Variants in AKAP6 observed in about 807,000 individuals in gnomAD.
AKAP6 encodes the protein A-kinase anchoring protein 6.
AKAP6 carries 58 observed loss-of-function variants against 188.5 expected under a neutral mutation model. The ratio of observed to expected loss-of-function variants is 0.31; its 90% CI spans 0.25 to 0.38. The LOEUF (loss-of-function observed/expected upper bound fraction) is 0.38, where lower values mean the gene tolerates loss of function less well. Among genes scored for constraint, AKAP6 ranks in the 10% least tolerant of loss-of-function variants. The pLI is 1.00. For missense variants in AKAP6, 2,710 were observed against 2,740.0 expected (o/e 0.99, Z 0.24); for synonymous variants, 989 against 998.6 (o/e 0.99, Z 0.18).
intron 2 of AKAP6, among the ~76,000 whole-genome samples, chr14:32,533,332 G>C (rs567844208): frequency 6.6e-6 from 1 of 152,306 alleles, no homozygotes; most frequent in African/African-American, 2.4e-5. Context: ...GTTAGTATGA[G>C]AGTGAAAGAG....
chr14:32,617,935 C>T (rs1047999112), intron 7 of AKAP6, among the ~76,000 whole-genome samples: 1 of 151,906 alleles, frequency 6.6e-6, no homozygotes, highest in Non-Finnish European at 1.5e-5. Context: ...CCCTTCAGGT[C>T]ATTTTTTTTT....
intron 12 of AKAP6, 195 bp downstream of exon 12, chr14:32,774,088 C>A: frequency 1.7e-6 from 1 of 601,022 alleles, no homozygotes; most frequent in East Asian, 2.9e-5. Flanking sequence ...CTAAATGAAA[C>A]TCCATTTGTC....
intron 12 of AKAP6, among the ~76,000 whole-genome samples, chr14:32,813,986 C>A (rs2034315707): frequency 6.6e-6 from 1 of 150,998 alleles, no homozygotes. Context: ...CATTCTATGA[C>A]CTCTGTGGTT....
chr14:32,628,953 C>G (rs1887141167), intron 7 of AKAP6, among the ~76,000 whole-genome samples: 1 of 152,030 alleles, frequency 6.6e-6, no homozygotes, highest in South Asian at 2.1e-4. Flanking sequence ...TATAAATAAG[C>G]TGTTTTCTAA....
chr14:32,497,264 G>A (rs1208905097), intron 2 of AKAP6, among the ~76,000 whole-genome samples: 1 of 152,012 alleles, frequency 6.6e-6, no homozygotes, highest in South Asian at 2.1e-4. Flanking sequence ...TAGGTGTTTG[G>A]TGCTATAAAT....
At chr14:32,669,947 C>T (rs1295491296) in intron 7 of AKAP6, among the ~76,000 whole-genome samples, 2 of 151,822 alleles carry the variant, frequency 1.3e-5, no homozygotes, top group Non-Finnish European at 2.9e-5. Context: ...AAATACAAAA[C>T]TTAGCTGGGT....
chr14:32,546,984 ATGGG>A lies in AKAP6; in HGVS notation c.2332_2335del (p.Trp778LysfsTer3), dbSNP rs1159634427. The A allele has an allele frequency of 1.9e-6, 3 of 1,592,916 alleles. No individual in the cohort carries two copies. Among genetic ancestry groups the A allele is most frequent in the Non-Finnish European group, 2.6e-6 (3 of 1,176,100 alleles). Reference sequence around the variant, plus strand: ...AGCACCAAGACAACTATGAAGCCATATGGGAAAAAATAGAGGTAAGGTGGTTTTC... The same window carrying A: ...AGCACCAAGACAACTATGAAGCCATAAAAAAATAGAGGTAAGGTGGTTTTC... On this transcript the variant is annotated frameshift_variant, in exon 4 of 14. Transcript: ENST00000280979. LOFTEE classifies it high-confidence loss of function.
chr14:32,510,406 A>ATATATATATGTGTATATATATATG (rs1881142512), intron 2 of AKAP6, among the ~76,000 whole-genome samples: 1 of 92,576 alleles, frequency 1.1e-5, no homozygotes, highest in African/African-American at 4.6e-5. Context: ...ATATATATGT[A>ATATATATATGTGTATATATATATG]TATATATGTA....
chr14:32,473,326 A>G (rs1258230838), intron 2 of AKAP6, among the ~76,000 whole-genome samples: 1 of 152,248 alleles, frequency 6.6e-6, no homozygotes, highest in African/African-American at 2.4e-5. Context: ...ACAGCCTCAC[A>G]TACAACAGGT....
chr14:32,657,868 A>T (rs1224494001), intron 7 of AKAP6, among the ~76,000 whole-genome samples: 1 of 152,082 alleles, frequency 6.6e-6, no homozygotes. Context: ...TATGAGCAGG[A>T]TTTGAAAGTT....
chr14:32,542,987 T>C (rs1404883360), intron 3 of AKAP6, among the ~76,000 whole-genome samples: 1 of 152,230 alleles, frequency 6.6e-6, no homozygotes, highest in Non-Finnish European at 1.5e-5. Flanking sequence ...CACAATGCAA[T>C]GATCAAATCA....
intron 2 of AKAP6, among the ~76,000 whole-genome samples, chr14:32,532,439 T>C (rs1304423707): frequency 6.6e-6 from 1 of 152,148 alleles, no homozygotes; most frequent in Admixed American, 6.5e-5. Flanking sequence ...CTTAGTGCCC[T>C]TTATATATTG....
intron 9 of AKAP6, among the ~76,000 whole-genome samples, chr14:32,731,910 T>G (rs779177722): frequency 3.3e-5 from 5 of 152,106 alleles, no homozygotes; most frequent in Non-Finnish European, 5.9e-5. Context: ...AGCATAGATT[T>G]GTAACTACTC....
At chr14:32,732,378 C>T in intron 9 of AKAP6, 76 bp from the exon 10 acceptor site, 2 of 1,507,826 alleles carry the variant, frequency 1.3e-6, no homozygotes, top group Non-Finnish European at 1.8e-6. Context: ...TCGTAAGCAT[C>T]ACAAATTCTG....
chr14:32,743,675 A>G (rs1161815188), intron 11 of AKAP6, among the ~76,000 whole-genome samples: 2 of 152,098 alleles, frequency 1.3e-5, no homozygotes, highest in Non-Finnish European at 2.9e-5. Flanking sequence ...CTACACCTTA[A>G]CTTCTTCCTC....
intron 7 of AKAP6, among the ~76,000 whole-genome samples, chr14:32,657,294 G>A (rs190554932): frequency 6.6e-6 from 1 of 152,162 alleles, no homozygotes; most frequent in African/African-American, 2.4e-5. Context: ...CCCTGTAGTG[G>A]CTGTGATGAA....
chr14:32,553,346 T>G (rs1415300340), intron 4 of AKAP6, among the ~76,000 whole-genome samples: 1 of 151,344 alleles, frequency 6.6e-6, no homozygotes, highest in East Asian at 1.9e-4. Flanking sequence ...AATTTTTGTA[T>G]TTTTTTTAGT....
At chr14:32,543,665 A>G (rs910099474) in intron 3 of AKAP6, among the ~76,000 whole-genome samples, 4 of 152,206 alleles carry the variant, frequency 2.6e-5, no homozygotes, top group Admixed American at 1.3e-4. Context: ...ACAAAGAAGT[A>G]ACAGATTTGC....
At chr14:32,786,967 C>A (rs1163181821) in intron 12 of AKAP6, among the ~76,000 whole-genome samples, 2 of 152,194 alleles carry the variant, frequency 1.3e-5, no homozygotes, top group Non-Finnish European at 2.9e-5. Context: ...AGAAACCTTA[C>A]ACATTTATTG....
Sources: gnomAD v4.1 joint callset for allele counts (sites outside exome capture counted in the v4.1 genomes callset) on GRCh38, gnomAD v4.1.1 for gene constraint, MANE v1.5 for transcripts, NCBI Gene and HGNC (gene_info 2026-07-23, HGNC 2026-07-21) for gene names.